The following SAMD4A variants were observed in gnomAD, a reference collection of about 807,000 sequenced individuals.
SAMD4A encodes protein Smaug homolog 1.
SAMD4A carries 33 observed loss-of-function variants against 81.3 expected under a neutral mutation model. The observed-to-expected ratio is 0.41, with a 90% confidence interval of 0.31 to 0.54. SAMD4A has a LOEUF of 0.54. Among genes scored for constraint, SAMD4A ranks in the 20% least tolerant of loss-of-function variants. SAMD4A has a pLI of 0.37. For missense variants in SAMD4A, 854 were observed against 951.1 expected (o/e 0.90, Z 1.34); for synonymous variants, 389 against 382.1 (o/e 1.02, Z -0.21).
At chr14:54,740,051 T>G (rs1336879305) in intron 4 of SAMD4A, among the ~76,000 whole-genome samples, 2 of 152,140 alleles carry the variant, frequency 1.3e-5, no homozygotes, top group African/African-American at 4.8e-5. Context: ...GCAGCTGTAA[T>G]CTCAGCTACT....
intron 2 of SAMD4A, among the ~76,000 whole-genome samples, chr14:54,617,055 T>A (rs1481621413): frequency 6.6e-6 from 1 of 152,174 alleles, no homozygotes; most frequent in Non-Finnish European, 1.5e-5. Flanking sequence ...GAATTACAAA[T>A]ATACAAATAT....
intron 3 of SAMD4A, 135 bp from the exon 4 acceptor site, chr14:54,736,889 T>G (rs1276513185): frequency 9.7e-7 from 1 of 1,030,430 alleles, no homozygotes; most frequent in Non-Finnish European, 1.4e-6. Context: ...AGGCCTGTAT[T>G]CAACCTGCTG....
intron 2 of SAMD4A, among the ~76,000 whole-genome samples, chr14:54,591,268 G>C (rs1283267223): frequency 6.6e-6 from 1 of 152,160 alleles, no homozygotes; most frequent in Non-Finnish European, 1.5e-5. Context: ...GCCTCTAGGG[G>C]TACTTTAGAA....
chr14:54,772,088 T>C (rs1020738467), intron 9 of SAMD4A, among the ~76,000 whole-genome samples: 10 of 152,242 alleles, frequency 6.6e-5, no homozygotes, highest in African/African-American at 2.4e-4. Flanking sequence ...TGGGATCTTT[T>C]TGTGCTATTA....
rs780774588 is a variant in SAMD4A at position 54,760,389 on chromosome 14, G to A, written c.1405G>A (p.Gly469Arg). The change falls in exon 7 of 13, where the codon GGG becomes AGG. Residue 469 changes from glycine (G) to arginine (R), a missense_variant. Transcript: ENST00000554335. ...GGCCACCCCCTCGGCCGGGGCCAGC[G>A]GGGGGCTCCAGCCGCACCAGCTGAG... is the stretch of plus-strand genomic sequence containing the variant. ...ATATPSAGAS[G>R]GLQPHQLSSC... 16 of 1,509,548 alleles carry A rather than the reference G, an allele frequency of 1.1e-5. No individual in the cohort carries two copies. Among genetic ancestry groups the A allele is most frequent in the Middle Eastern group, 1.7e-4 (1 of 5,770 alleles). The allele number at this position is 1,509,548 out of a possible 1,614,324, so 93.5% of individuals were successfully genotyped here.
rs990233607 is a variant in SAMD4A at position 54,789,706 on chromosome 14, C to T, written c.*762C>T. 5 of 152,240 alleles carry T rather than the reference C, an allele frequency of 3.3e-5. No homozygotes were observed. The highest frequency in any genetic ancestry group is 3.2e-3 in the Middle Eastern group (1 of 316). 9.4% of individuals were successfully genotyped at this position (152,240 alleles called of 1,614,324 possible). A position where few individuals can be genotyped will look rare whatever the true frequency, so the allele number is the denominator to read the frequency against. On this transcript the variant is annotated 3_prime_UTR_variant, in exon 13 of 13. Transcript: ENST00000554335. ...GAGCAGCAGAGTTGTCTTCTCAAAA[C>T]GGCTGCCAAGCTCTGCTTCTTGGGA...
At chr14:54,760,134 A>G (rs1476550557) in intron 6 of SAMD4A, 27 bp from the exon 7 acceptor site, 10 of 1,602,788 alleles carry the variant, frequency 6.2e-6, no homozygotes, top group Middle Eastern at 1.7e-4. Flanking sequence ...TGAGCCTAAC[A>G]GAGGTCTTCC....
intron 11 of SAMD4A, among the ~76,000 whole-genome samples, chr14:54,779,176 C>T (rs748366264): frequency 2.0e-5 from 3 of 152,158 alleles, no homozygotes; most frequent in Non-Finnish European, 4.4e-5. Context: ...CAATCTGGTT[C>T]GCTATGGAGA....
intron 2 of SAMD4A, among the ~76,000 whole-genome samples, chr14:54,663,653 AG>A (rs1310506594): frequency 1.3e-5 from 2 of 152,236 alleles, no homozygotes; most frequent in African/African-American, 4.8e-5. Flanking sequence ...ATCCCTAGAA[AG>A]GCAGCAGGTT....
At chr14:54,711,964 C>CT (rs924787613) in intron 3 of SAMD4A, among the ~76,000 whole-genome samples, 5 of 152,104 alleles carry the variant, frequency 3.3e-5, no homozygotes, top group African/African-American at 1.2e-4. Context: ...TGCCCTTCAC[C>CT]TTTTTTCACA....
At chr14:54,763,214 G>A (rs1406721078) in intron 7 of SAMD4A, among the ~76,000 whole-genome samples, 13 of 119,488 alleles carry the variant, frequency 1.1e-4, no homozygotes, top group Admixed American at 1.0e-3. Flanking sequence ...AGGCTGGTGG[G>A]TTTAAAAAAA....
chr14:54,679,675 G>T (rs1240693915), intron 2 of SAMD4A, among the ~76,000 whole-genome samples: 1 of 152,164 alleles, frequency 6.6e-6, no homozygotes, highest in East Asian at 1.9e-4. Context: ...GGTGATGGAA[G>T]ACCATTTTGT....
intron 2 of SAMD4A, among the ~76,000 whole-genome samples, chr14:54,597,250 G>T (rs1050954085): frequency 1.3e-5 from 2 of 151,708 alleles, no homozygotes; most frequent in African/African-American, 4.8e-5. Flanking sequence ...CTATCTCTCT[G>T]TTGTGGTCTT....
intron 2 of SAMD4A, among the ~76,000 whole-genome samples, chr14:54,619,181 T>C (rs1171542955): frequency 6.6e-6 from 1 of 152,224 alleles, no homozygotes; most frequent in African/African-American, 2.4e-5. Flanking sequence ...TAATAGGTAA[T>C]TATTTTAAGT....
chr14:54,694,862 G>C, intron 2 of SAMD4A: 4 of 985,550 alleles, frequency 4.1e-6, no homozygotes, highest in Non-Finnish European at 4.8e-6. Flanking sequence ...CCGGTACCTG[G>C]GGAAAAAGTA....
chr14:54,631,384 A>T (rs1231370429), intron 2 of SAMD4A, among the ~76,000 whole-genome samples: 1 of 152,224 alleles, frequency 6.6e-6, no homozygotes, highest in Non-Finnish European at 1.5e-5. Context: ...TAACAATCAC[A>T]CAGCACTAAC....
At chr14:54,594,008 T>A (rs1251383752) in intron 2 of SAMD4A, among the ~76,000 whole-genome samples, 3 of 152,198 alleles carry the variant, frequency 2.0e-5, no homozygotes, top group Non-Finnish European at 2.9e-5. Flanking sequence ...TACAGGAAGA[T>A]GACTCATGTG....
At chr14:54,576,265 T>A (rs1461289260) in intron 2 of SAMD4A, among the ~76,000 whole-genome samples, 1 of 152,178 alleles carries the variant, frequency 6.6e-6, no homozygotes, top group African/African-American at 2.4e-5. Flanking sequence ...TTTCTATCTG[T>A]GTATGTGCAC....
chr14:54,784,764 T>A, intron 12 of SAMD4A, 144 bp downstream of exon 12: 1 of 759,552 alleles, frequency 1.3e-6, no homozygotes, highest in Non-Finnish European at 2.3e-6. Flanking sequence ...GGAGAAAGAG[T>A]GGCCTTAGGG....
Sources: gnomAD v4.1 joint callset for allele counts (sites outside exome capture counted in the v4.1 genomes callset) on GRCh38, gnomAD v4.1.1 for gene constraint, MANE v1.5 for transcripts, NCBI Gene and HGNC (gene_info 2026-07-23, HGNC 2026-07-21) for gene names.